ZACN: variants seen among roughly 807,000 people sequenced by gnomAD.
ZACN encodes zinc activated ion channel, also known as ligand-gated cation channel ZACN.
Under a neutral mutation model 38.9 loss-of-function variants are expected in ZACN, and 52 were observed. That is an observed-to-expected ratio of 1.34 (90% CI 1.07 to 1.68). ZACN has a LOEUF of 1.68. Ranked by LOEUF, ZACN falls within the 40% of genes most tolerant of loss-of-function variation. The pLI is 0.00. For synonymous variants in ZACN, 235 were observed against 227.4 expected (o/e 1.03, Z -0.30); for missense variants, 559 against 525.6 (o/e 1.06, Z -0.62).
Position 76,082,014 on chromosome 17 carries a change from G to A in ZACN, c.1013G>A (p.Arg338Gln), listed in dbSNP as rs755460772. 24 of 1,611,310 alleles carry A rather than the reference G, an allele frequency of 1.5e-5. No individual in the cohort carries two copies. In the South Asian group the frequency reaches 2.0e-4, roughly 13 times the overall value. The change falls in exon 8 of 9, where the codon CGA becomes CAA. Residue 338 changes from arginine to glutamine, a missense_variant. By Grantham distance (43) the Arg-to-Gln change is conservative (BLOSUM62 1). Coordinates refer to ENST00000334586, the MANE Select transcript of ZACN (RefSeq NM_180990.4). ...GPSPAPRGEQ[R>Q]EHGNPGPHPA... ...AGCCCAGCCCCGAGAGGGGAACAGC[G>A]AGAGCACGGCAACCCAGGGCCTCAT...
At chr17:76,081,854 G>A (rs749481557) in intron 7 of ZACN, 28 bp from the exon 8 acceptor site, 6 of 1,608,420 alleles carry the variant, frequency 3.7e-6, no homozygotes, top group Admixed American at 1.7e-5. Flanking sequence ...TGGCCCCTGA[G>A]CATCTCCCTG....
intron 5 of ZACN, chr17:76,080,658 G>C: frequency 1.5e-6 from 1 of 676,194 alleles, no homozygotes; most frequent in Non-Finnish European, 2.7e-6. Context: ...TGTGCTCAGC[G>C]GTAGCCTCAG....
In ZACN at chr17:76,079,966, T is replaced by C. The variant is rs878985790; in HGVS notation, c.346T>C (p.Trp116Arg). 3 of 1,594,496 alleles carry C rather than the reference T, an allele frequency of 1.9e-6. No individual in the cohort carries two copies. The highest frequency in any genetic ancestry group is 2.3e-5 in the East Asian group (1 of 43,558). Residue 116 changes from tryptophan (W) to arginine (R), a missense_variant, in exon 4 of 9, where the codon TGG becomes CGG. Physicochemically the swap from Trp to Arg is moderately radical, Grantham distance 101. Transcript: ENST00000334586. ...HAITLPWESLWTPRLTILEAL... is the reference protein window; with the variant it reads ...HAITLPWESLRTPRLTILEAL... ...CATCACGCTGCCCTGGGAGTCTCTCTGGACACCAAGGCTCACCATCCTGGA... is the reference window on the plus strand; with the variant it reads ...CATCACGCTGCCCTGGGAGTCTCTCCGGACACCAAGGCTCACCATCCTGGA...
rs2067037562 is a variant in ZACN at position 76,082,755 on chromosome 17, C to T, written c.*102C>T. ...CTGGATTAAGCCACCCTGAGCTCTC[C>T]CTCCGCTAGCACACAAGCACAGAGC... On this transcript the variant is annotated 3_prime_UTR_variant, in exon 9 of 9. Transcript: ENST00000334586. 1 of 1,137,568 alleles carries T rather than the reference C, an allele frequency of 8.8e-7. No homozygotes were observed. Among genetic ancestry groups the T allele is most frequent in the Admixed American group, 2.8e-5 (1 of 35,434 alleles). The allele number at this position is 1,137,568 out of a possible 1,614,324, so 70.5% of individuals were successfully genotyped here.
Position 76,082,780 on chromosome 17 carries a change from C to A in ZACN, c.*127C>A, listed in dbSNP as rs754194069. On this transcript the variant is annotated 3_prime_UTR_variant, in exon 9 of 9. Transcript: ENST00000334586. The stretch of plus-strand genomic sequence containing the variant: ...CCTCCGCTAGCACACAAGCACAGAG[C>A]GTGAAATAAACCCATCTCCAGTGCA... The A allele has an allele frequency of 3.2e-6, 3 of 928,732 alleles. No homozygotes were observed. Among genetic ancestry groups the A allele is most frequent in the Non-Finnish European group, 4.6e-6 (3 of 653,930 alleles). The allele number at this position is 928,732 out of a possible 1,614,324, so 57.5% of individuals were successfully genotyped here.
In ZACN at chr17:76,082,750, C is replaced by A; in HGVS notation, c.*97C>A. On this transcript the variant is annotated 3_prime_UTR_variant, in exon 9 of 9. Coordinates refer to ENST00000334586, the MANE Select transcript of ZACN (RefSeq NM_180990.4). ...GGCCTCTGGATTAAGCCACCCTGAG[C>A]TCTCCCTCCGCTAGCACACAAGCAC... The A allele has an allele frequency of 8.2e-7, 1 of 1,221,572 alleles. No homozygotes were observed. The allele number at this position is 1,221,572 out of a possible 1,614,324, so 75.7% of individuals were successfully genotyped here.
At position 76,081,412 on chromosome 17, in the gene ZACN, G is replaced by C. The variant is rs199930768; in HGVS notation, c.669+10G>C. On this transcript the variant is annotated intron_variant, in intron 6 of 8. Coordinates refer to ENST00000334586, the MANE Select transcript of ZACN (RefSeq NM_180990.4). ...CTGCTTCCAGGTGACGGTGAGTCAA[G>C]TCGGGAGGAGGCCGACAGAGGGCTG... 4.4e-5 allele frequency: 71 copies of C among 1,614,026 alleles called. No individual in the cohort carries two copies. The highest frequency in any genetic ancestry group is 3.4e-6 in the Non-Finnish European group (4 of 1,180,008).
intron 4 of ZACN, 96 bp downstream of exon 4, chr17:76,080,090 C>T (rs1051488215): frequency 6.8e-7 from 1 of 1,474,974 alleles, no homozygotes; most frequent in Non-Finnish European, 9.2e-7. Context: ...ATATGACCCT[C>T]CTGGCGGTCC....
Position 76,082,556 on chromosome 17 carries a change from C to G in ZACN, c.1142C>G (p.Thr381Ser). Residue 381 changes from threonine to serine, a missense_variant, in exon 9 of 9, where the codon ACC becomes AGC. Physicochemically the swap from Thr to Ser is moderately conservative, Grantham distance 58. Coordinates refer to ENST00000334586, the MANE Select transcript of ZACN (RefSeq NM_180990.4). ...GTGTATGTGGTTGGGGTGCTGTGCA[C>G]CCAATTCGTCTTTGCAGGAATCTGG... ...FLVYVVGVLC[T>S]QFVFAGIWMW... 1 of 1,613,788 alleles carries G rather than the reference C, an allele frequency of 6.2e-7. No homozygotes were observed. Among genetic ancestry groups the G allele is most frequent in the Non-Finnish European group, 8.5e-7 (1 of 1,179,924 alleles).
chr17:76,080,612 C>T (rs149981522), intron 5 of ZACN, 188 bp downstream of exon 5: 269 of 804,102 alleles, frequency 3.3e-4, no homozygotes, highest in Non-Finnish European at 5.2e-4. Flanking sequence ...CACCTGCTCT[C>T]CCACTGCGCC....
At position 76,081,278 on chromosome 17, in the gene ZACN, C is replaced by T. The variant is rs1216604653; in HGVS notation, c.545C>T (p.Ala182Val). 8 of 1,613,478 alleles carry T rather than the reference C, an allele frequency of 5.0e-6. No homozygotes were observed. The highest frequency in any genetic ancestry group is 2.2e-5 in the South Asian group (2 of 91,060). The stretch of plus-strand genomic sequence containing the variant: ...CATAGTTCTCATTCCCACCCCTCAG[C>T]GATGGAGTTAGAGTTCCAGGCCCAC... ...SLSFYALSNT[A>V]MELEFQAHVV... is the part of the protein sequence containing the mutation. Residue 182 changes from alanine to valine, a missense_variant and splice_region_variant, in exon 6 of 9, where the codon GCG (alanine) becomes GTG (valine). By Grantham distance (64) the Ala-to-Val change is moderately conservative. Coordinates refer to ENST00000334586, the MANE Select transcript of ZACN (RefSeq NM_180990.4).
rs755460772 is a variant in ZACN at position 76,082,014 on chromosome 17, G to C, written c.1013G>C (p.Arg338Pro). 6.8e-6 allele frequency: 11 copies of C among 1,611,428 alleles called. 1 individual carries two copies. The East Asian group carries it at 8.9e-5, about 13-fold the overall frequency. ...AGCCCAGCCCCGAGAGGGGAACAGCGAGAGCACGGCAACCCAGGGCCTCAT... is the reference window on the plus strand; with the variant it reads ...AGCCCAGCCCCGAGAGGGGAACAGCCAGAGCACGGCAACCCAGGGCCTCAT... The part of the protein sequence containing the change: ...GPSPAPRGEQ[R>P]EHGNPGPHPA... The change falls in exon 8 of 9, where the codon CGA becomes CCA. Residue 338 changes from arginine (R) to proline (P), a missense_variant. Arg to Pro is a moderately radical substitution (Grantham distance 103). Transcript: ENST00000334586.
intron 5 of ZACN, chr17:76,081,013 T>G (rs979018333): frequency 4.6e-6 from 2 of 432,654 alleles, no homozygotes; most frequent in Non-Finnish European, 8.7e-6. Flanking sequence ...TCTCCCTCCA[T>G]CATGAAGTGG....
At position 76,079,878 on chromosome 17, in the gene ZACN, G is replaced by A. The variant is rs746228334; in HGVS notation, c.268-10G>A. 6.3e-7 allele frequency: 1 copy of A among 1,588,068 alleles called. No homozygotes were observed. Among genetic ancestry groups the A allele is most frequent in the Non-Finnish European group, 8.6e-7 (1 of 1,166,766 alleles). On this transcript the variant is annotated splice_polypyrimidine_tract_variant and intron_variant, in intron 3 of 8. Transcript: ENST00000334586. Reference sequence around the variant, plus strand: ...GAGCAGGAGCCTCAGTGGTGCCCTTGTGTCCCCAGTCCTGGCTGGACACTC... The same window carrying A: ...GAGCAGGAGCCTCAGTGGTGCCCTTATGTCCCCAGTCCTGGCTGGACACTC...
At position 76,079,334 on chromosome 17, in the gene ZACN, G is replaced by C; in HGVS notation, c.70G>C (p.Gly24Arg). The change falls in exon 1 of 9, where the codon GGG (glycine) becomes CGG (arginine). Residue 24 changes from glycine to arginine, a missense_variant. Physicochemically the swap from Gly to Arg is moderately radical, Grantham distance 125. Transcript: ENST00000334586. ...CAGCATTACCTTGCTGTTGGTCCAC[G>C]GGCAGGGCTTCCAAGGGACAGCAGC... ...GFSITLLLVHGQGFQGTAAIW... is the reference protein window; with the variant it reads ...GFSITLLLVHRQGFQGTAAIW... The C allele has an allele frequency of 6.2e-7, 1 of 1,614,096 alleles. No individual in the cohort carries two copies. Among genetic ancestry groups the C allele is most frequent in the Non-Finnish European group, 8.5e-7 (1 of 1,179,986 alleles).
Position 76,081,631 on chromosome 17 carries a change from G to GA in ZACN, c.756_757insA (p.Leu253IlefsTer8). 6.2e-7 allele frequency: 1 copy of GA among 1,614,126 alleles called. No individual in the cohort carries two copies. The highest frequency in any genetic ancestry group is 1.3e-5 in the African/African-American group (1 of 75,072). ...TGCTGTTGGCTGACGTGTGCGGGGG[G>GA]TTGCTGCCCCTCCGGGCCATTGAGC... On this transcript the variant is annotated frameshift_variant, in exon 7 of 9. Transcript: ENST00000334586. LOFTEE classifies it high-confidence loss of function.
chr17:76,081,872 C>T lies in ZACN; in HGVS notation c.881-10C>T, dbSNP rs1486870084. 6.2e-7 allele frequency: 1 copy of T among 1,608,102 alleles called. No homozygotes were observed. The highest frequency in any genetic ancestry group is 1.1e-5 in the South Asian group (1 of 90,766). ...CCCCTGAGCATCTCCCTGTGCCCTG[C>T]CTCCCCCAGTTTACTACTTCACCAT... is the stretch of plus-strand genomic sequence containing the variant. On this transcript the variant is annotated splice_polypyrimidine_tract_variant and intron_variant, in intron 7 of 8. Coordinates refer to ENST00000334586, the MANE Select transcript of ZACN (RefSeq NM_180990.4).
rs776761060 is a variant in ZACN, at chr17:76,080,803, TGCA to T, written c.544+383_544+385del. 7.7e-5 allele frequency: 37 copies of T among 479,148 alleles called. 1 individual carries two copies. The highest frequency in any genetic ancestry group is 5.7e-4 in the South Asian group (37 of 64,730). The allele number at this position is 479,148 out of a possible 1,614,324, so 29.7% of individuals were successfully genotyped here. A position where few individuals can be genotyped will look rare whatever the true frequency, so the allele number is the denominator to read the frequency against. ...TGGCGACTGCAGTGGCTCGGCCCCT[TGCA>T]GCAAGGCCAGAGGCTCAGGTTGCCA... is the stretch of plus-strand genomic sequence containing the variant. On this transcript the variant is annotated intron_variant, in intron 5 of 8. Transcript: ENST00000334586.
chr17:76,081,415 G>A lies in ZACN; in HGVS notation c.669+13G>A, dbSNP rs894118946. 1.9e-4 allele frequency: 300 copies of A among 1,613,934 alleles called. No individual in the cohort carries two copies. Among genetic ancestry groups the A allele is most frequent in the Non-Finnish European group, 2.4e-4 (285 of 1,179,960 alleles). Reference sequence around the variant, plus strand: ...CTTCCAGGTGACGGTGAGTCAAGTCGGGAGGAGGCCGACAGAGGGCTGCTG... The same window carrying A: ...CTTCCAGGTGACGGTGAGTCAAGTCAGGAGGAGGCCGACAGAGGGCTGCTG... On this transcript the variant is annotated intron_variant, in intron 6 of 8. Transcript: ENST00000334586.
Sources: allele counts gnomAD v4.1 joint callset, GRCh38; gene constraint gnomAD v4.1.1; transcripts MANE v1.5; gene names NCBI Gene and HGNC (gene_info 2026-07-23, HGNC 2026-07-21).